The following KRT25 variants were observed in gnomAD, a reference collection of about 807,000 sequenced individuals.
KRT25 encodes keratin, type I cytoskeletal 25.
Under a neutral mutation model 47.6 loss-of-function variants are expected in KRT25, and 37 were observed. The observed-to-expected ratio is 0.78, with a 90% CI of 0.60 to 1.02. The LOEUF (loss-of-function observed/expected upper bound fraction) is 1.02. Ranked by LOEUF, KRT25 falls within the 50% of genes least tolerant of loss-of-function variation. KRT25 has a pLI of 0.00. For synonymous variants in KRT25, 203 were observed against 210.2 expected, an observed-to-expected ratio of 0.97 and a Z score of 0.30; for missense variants, 542 against 550.3, an observed-to-expected ratio of 0.98 and a Z score of 0.15.
In KRT25 at chr17:40,753,989, C is replaced by T. The variant is rs1045978170; in HGVS notation, c.540G>A (p.Gln180=). 3.1e-6 allele frequency: 5 copies of T among 1,614,076 alleles called. No individual in the cohort carries two copies. The highest frequency in any genetic ancestry group is 4.2e-6 in the Non-Finnish European group (5 of 1,179,966). The change falls in exon 3 of 8, where the codon CAG becomes CAA. Residue 180 remains glutamine (Q), a synonymous_variant. Coordinates refer to ENST00000312150, the MANE Select transcript of KRT25 (RefSeq NM_181534.4). ...ACCCATTGACATCAGCCTCTACACT[C>T]TGGTGAAGAGCCAGCTCATTTTCAT... ...LKYENELALH[Q]SVEADVNGLR...
At chr17:40,748,462 A>G in intron 7 of KRT25, 76 bp from the exon 8 acceptor site, 1 of 926,060 alleles carries the variant, frequency 1.1e-6, no homozygotes, top group Non-Finnish European at 1.6e-6. Context: ...AAGGAATAAT[A>G]GGATTTGCAT....
At chr17:40,751,359 C>T (rs768982674) in intron 3 of KRT25, 33 bp from the exon 4 acceptor site, 5 of 1,570,406 alleles carry the variant, frequency 3.2e-6, no homozygotes, top group Non-Finnish European at 4.3e-6. Context: ...CTCAGCTCTG[C>T]AGGAATCTCA....
At chr17:40,753,649 A>AGT (rs2038072839) in intron 3 of KRT25, among the ~76,000 whole-genome samples, 1 of 128,008 alleles carries the variant, frequency 7.8e-6, no homozygotes. Context: ...GCACCATTGC[A>AGT]CTTCAGCCTG....
At position 40,749,289 on chromosome 17, in the gene KRT25, A is replaced by G. The variant is rs1397202449; in HGVS notation, c.1212T>C (p.Tyr404=). 1 of 1,613,642 alleles carries G rather than the reference A, an allele frequency of 6.2e-7. No individual in the cohort carries two copies. The highest frequency in any genetic ancestry group is 8.5e-7 in the Non-Finnish European group (1 of 1,179,664). The change falls in exon 7 of 8, where the codon TAT becomes TAC. Residue 404 remains tyrosine, a synonymous_variant. Transcript: ENST00000312150. Reference sequence around the variant, plus strand: ...CTTGACTTCCCACATTTCCAGATCCATAATCTTTAGACTTGTAACCCCCAG... The same window carrying G: ...CTTGACTTCCCACATTTCCAGATCCGTAATCTTTAGACTTGTAACCCCCAG... ...CKSGGYKSKD[Y]GSGNVGSQVK...
chr17:40,755,275 A>G lies in KRT25; in HGVS notation c.-4T>C. The G allele has an allele frequency of 6.2e-7, 1 of 1,611,788 alleles. No homozygotes were observed. The highest frequency in any genetic ancestry group is 8.5e-7 in the Non-Finnish European group (1 of 1,178,934). ...CACTGGAAAGTCGAAGAGACATGGT[A>G]TCAGGGCAAACGCGTTGCAGAGCTG... On this transcript the variant is annotated 5_prime_UTR_variant, in exon 1 of 8. Coordinates refer to ENST00000312150, the MANE Select transcript of KRT25 (RefSeq NM_181534.4).
At chr17:40,749,184 A>C in intron 7 of KRT25, 74 bp downstream of exon 7, 1 of 1,126,346 alleles carries the variant, frequency 8.9e-7, no homozygotes, top group Non-Finnish European at 1.3e-6. Flanking sequence ...AAACCTTCCA[A>C]TGTACCCCCA....
In KRT25 at chr17:40,753,900, AG is replaced by A; in HGVS notation, c.628del (p.Leu210Ter). 6.2e-7 allele frequency: 1 copy of A among 1,614,032 alleles called. No homozygotes were observed. Among genetic ancestry groups the A allele is most frequent in the Non-Finnish European group, 8.5e-7 (1 of 1,179,998 alleles). On this transcript the variant is annotated frameshift_variant, in exon 3 of 8. Transcript: ENST00000312150. LOFTEE classifies it high-confidence loss of function. ...TTTGAGGTAAGTCATCTCCTCACTCAGGGTTTCATACTGAATCTCCAGATCT... is the reference window on the plus strand; with the variant it reads ...TTTGAGGTAAGTCATCTCCTCACTCAGGTTTCATACTGAATCTCCAGATCT... ...RTDLEIQYET[L>X]SEEMTYLKKN...
Position 40,754,545 on chromosome 17 carries a change from G to A in KRT25, c.430-77C>T, listed in dbSNP as rs1369713001. ...TAATGCTTATTTCTAATGCTAAATT[G>A]GAATTCTCTTTAAGAAATCACAAGT... On this transcript the variant is annotated intron_variant, in intron 1 of 7. Coordinates refer to ENST00000312150, the MANE Select transcript of KRT25 (RefSeq NM_181534.4). 32 of 1,332,456 alleles carry A rather than the reference G, an allele frequency of 2.4e-5. 1 individual carries two copies. In the South Asian group the frequency reaches 3.3e-4, roughly 14 times the overall value. The allele number at this position is 1,332,456 out of a possible 1,614,324, so 82.5% of individuals were successfully genotyped here.
chr17:40,753,616 G>A (rs566225698), intron 3 of KRT25, among the ~76,000 whole-genome samples: 4 of 141,770 alleles, frequency 2.8e-5, no homozygotes, highest in East Asian at 2.3e-4. Flanking sequence ...CCCAGGAGGC[G>A]GAGCTTGCAG....
At position 40,750,310 on chromosome 17, in the gene KRT25, T is replaced by C. The variant is rs959780314; in HGVS notation, c.1175+70A>G. 11 of 1,489,214 alleles carry C rather than the reference T, an allele frequency of 7.4e-6. No individual in the cohort carries two copies. In the African/African-American group the frequency reaches 1.2e-4, roughly 17 times the overall value. 92.3% of individuals were successfully genotyped at this position (1,489,214 alleles called of 1,614,324 possible). A position where few individuals can be genotyped will look rare whatever the true frequency, so the allele number is the denominator to read the frequency against. ...CAGCCAAATTATGTCCGCTTTCCAG[T>C]GGAAAGTGGGATCTAAGTTGCAAGC... On this transcript the variant is annotated intron_variant, in intron 6 of 7. Coordinates refer to ENST00000312150, the MANE Select transcript of KRT25 (RefSeq NM_181534.4).
upstream of KRT25, chr17:40,755,395 G>A (rs2038098226): frequency 1.1e-6 from 1 of 882,478 alleles, no homozygotes; most frequent in Admixed American, 2.9e-5. Context: ...ATGAAATTCT[G>A]CCTACACAGA....
In KRT25 at chr17:40,751,126, A is replaced by G. The variant is rs527698283; in HGVS notation, c.831+39T>C. Reference sequence around the variant, plus strand: ...AGCAAATCTTAGTTTTGTGAATACCAGTAACATGCAAAGGGACCGTTTTCT... The same window carrying G: ...AGCAAATCTTAGTTTTGTGAATACCGGTAACATGCAAAGGGACCGTTTTCT... On this transcript the variant is annotated intron_variant, in intron 4 of 7. Transcript: ENST00000312150. 5 of 1,614,132 alleles carry G rather than the reference A, an allele frequency of 3.1e-6. No homozygotes were observed. In the East Asian group the frequency reaches 1.1e-4, roughly 36 times the overall value.
At position 40,750,433 on chromosome 17, in the gene KRT25, G is replaced by A; in HGVS notation, c.1122C>T (p.Leu374=). Reference sequence around the variant, plus strand: ...AGGTCTCAATTTCTTTTTCCAGGTGGAGCTTGATGTCCAGGAGCTGCTCAT... The same window carrying A: ...AGGTCTCAATTTCTTTTTCCAGGTGAAGCTTGATGTCCAGGAGCTGCTCAT... The part of the protein sequence containing the change: ...LEYEQLLDIK[L]HLEKEIETYC... The change falls in exon 6 of 8, where the codon CTC becomes CTT. Residue 374 remains leucine, a synonymous_variant. Coordinates refer to ENST00000312150, the MANE Select transcript of KRT25 (RefSeq NM_181534.4). The A allele has an allele frequency of 6.2e-7, 1 of 1,613,854 alleles. No individual in the cohort carries two copies. Among genetic ancestry groups the A allele is most frequent in the Non-Finnish European group, 8.5e-7 (1 of 1,179,860 alleles).
chr17:40,753,432 C>T (rs1372983501), intron 3 of KRT25, among the ~76,000 whole-genome samples: 1 of 151,276 alleles, frequency 6.6e-6, no homozygotes, highest in East Asian at 2.0e-4. Context: ...TGCGGTGGCT[C>T]ACGCCTGTAA....
At chr17:40,754,807 G>T (rs751893383) in intron 1 of KRT25, 36 bp downstream of exon 1, 52 of 1,485,338 alleles carry the variant, frequency 3.5e-5, no homozygotes, top group Non-Finnish European at 4.2e-5. Flanking sequence ...TAGAAATAAA[G>T]GTACATGAAA....
intron 3 of KRT25, among the ~76,000 whole-genome samples, 153 bp downstream of exon 3, chr17:40,753,683 CAAAAAAAAAAAAAAAAAAAAAAAA>C (rs60610884): frequency 4.6e-4 from 14 of 30,430 alleles, no homozygotes; most frequent in African/African-American, 9.0e-4. Context: ...GACTCCGTCT[CAAAAAAAAAAAAAAAAAAAAAAAA>C]AAAAAAAAAA....
In KRT25 at chr17:40,751,858, ATG is replaced by A. The variant is rs1017788910; in HGVS notation, c.670-534_670-533del. On this transcript the variant is annotated intron_variant, in intron 3 of 7. Coordinates refer to ENST00000312150, the MANE Select transcript of KRT25 (RefSeq NM_181534.4). ...GAAATGATGATAAATAAATAAATGT[ATG>A]TGTGTGTGTGTGTGTGTGCGTGCGT... Among the ~76,000 whole-genome samples the A allele has an allele frequency of 5.5e-3, 451 of 81,350 alleles. 2 individuals carry two copies. Among genetic ancestry groups the A allele is most frequent in the African/African-American group, 0.018 (427 of 23,182 alleles). 53.4% of individuals were successfully genotyped at this position (81,350 alleles called of 152,430 possible).
Position 40,755,086 on chromosome 17 carries a change from ATTACCTCCCCC to A in KRT25, c.175_185del (p.Gly59SerfsTer9), listed in dbSNP as rs2038094057. On this transcript the variant is annotated frameshift_variant, in exon 1 of 8. Transcript: ENST00000312150. LOFTEE classifies it high-confidence loss of function. ...CATTCACAGTGAAGCCAGCACAGGGATTACCTCCCCCTGTGTTTCCTCCCGATGAGCTGCCT... is the reference window on the plus strand; with the variant it reads ...CATTCACAGTGAAGCCAGCACAGGGATGTGTTTCCTCCCGATGAGCTGCCT... 1.9e-6 allele frequency: 3 copies of A among 1,613,954 alleles called. No individual in the cohort carries two copies. The highest frequency in any genetic ancestry group is 2.5e-6 in the Non-Finnish European group (3 of 1,179,992).
chr17:40,751,530 TTC>T (rs1236366206), intron 3 of KRT25, among the ~76,000 whole-genome samples: 16 of 152,240 alleles, frequency 1.1e-4, no homozygotes, highest in Admixed American at 2.0e-4. Context: ...AGTAGCCTGT[TTC>T]ATTCTGGGAG....
Sources: gnomAD v4.1 joint callset for allele counts (sites outside exome capture counted in the v4.1 genomes callset) on GRCh38, gnomAD v4.1.1 for gene constraint, MANE v1.5 for transcripts, NCBI Gene and HGNC (gene_info 2026-07-23, HGNC 2026-07-21) for gene names.